RFWD3: variants seen among roughly 807,000 people sequenced by gnomAD.
The protein encoded by RFWD3 is ring finger and WD repeat domain 3.
Under a neutral mutation model 87.7 loss-of-function variants are expected in RFWD3, and 65 were observed. The observed-to-expected ratio is 0.74, with a 90% confidence interval of 0.61 to 0.91. RFWD3 has a LOEUF of 0.91. Ranked by LOEUF, RFWD3 falls within the 40% of genes least tolerant of loss-of-function variation. RFWD3 has a pLI of 0.00. For synonymous variants in RFWD3, 433 were observed against 352.8 expected (o/e 1.23, Z -2.55); for missense variants, 1,078 against 938.5 (o/e 1.15, Z -1.94).
chr16:74,636,523 AG>A lies in RFWD3; in HGVS notation c.1248del (p.Ser417ProfsTer6). ...GAGCAGCTCAGGACCCATGCTTGGG[AG>A]CCCCTGGGTTGCTGTAAATTCTGAC... ...HQSQNLQQPR[G>X]SQAWVLSCSP... On this transcript the variant is annotated frameshift_variant, in exon 8 of 13. Coordinates refer to ENST00000361070, the MANE Select transcript of RFWD3 (RefSeq NM_018124.4). LOFTEE classifies it high-confidence loss of function. 1.2e-6 allele frequency: 2 copies of A among 1,613,978 alleles called. No homozygotes were observed. The highest frequency in any genetic ancestry group is 1.7e-6 in the Non-Finnish European group (2 of 1,180,028).
chr16:74,655,806 G>A (rs190891314), intron 2 of RFWD3, among the ~76,000 whole-genome samples: 9 of 152,078 alleles, frequency 5.9e-5, no homozygotes, highest in Admixed American at 2.6e-4. Context: ...GATTACAGGC[G>A]TGAGCCACCA....
chr16:74,661,345 G>T lies in RFWD3; in HGVS notation c.105C>A (p.Leu35=). The T allele has an allele frequency of 6.2e-7, 1 of 1,613,988 alleles. No homozygotes were observed. The highest frequency in any genetic ancestry group is 8.5e-7 in the Non-Finnish European group (1 of 1,179,988). ...CCACATCAGCAGGAACAGGCTGGAG[G>T]AGGGCTGGTCCCCCTTGGCTGCTGG... ...GMASSQGGPA[L]LQPVPADVVS... is the part of the protein sequence containing the mutation. Residue 35 remains leucine, a synonymous_variant, in exon 2 of 13, where the codon CTC becomes CTA. Coordinates refer to ENST00000361070, the MANE Select transcript of RFWD3 (RefSeq NM_018124.4).
intron 6 of RFWD3, 56 bp downstream of exon 6, chr16:74,644,306 G>A (rs1273180598): frequency 6.5e-7 from 1 of 1,540,354 alleles, no homozygotes; most frequent in African/African-American, 1.4e-5. Flanking sequence ...TTTTTCAGAT[G>A]TGCCTACAAT....
At chr16:74,642,849 T>C (rs947615708) in intron 6 of RFWD3, among the ~76,000 whole-genome samples, 13 of 152,290 alleles carry the variant, frequency 8.5e-5, no homozygotes, top group East Asian at 3.9e-4. Context: ...TTTGATAAAA[T>C]TGGGTAAAAG....
intron 2 of RFWD3, among the ~76,000 whole-genome samples, chr16:74,653,245 G>A (rs771098978): frequency 6.6e-6 from 1 of 152,084 alleles, no homozygotes; most frequent in Non-Finnish European, 1.5e-5. Context: ...AGGCCAAGGT[G>A]GGAGGATGGC....
At chr16:74,659,026 C>T (rs371640440) in intron 2 of RFWD3, among the ~76,000 whole-genome samples, 7 of 152,320 alleles carry the variant, frequency 4.6e-5, no homozygotes, top group African/African-American at 1.7e-4. Context: ...GCTCAAAGTT[C>T]TGAGATTACA....
chr16:74,643,594 C>T (rs973465738), intron 6 of RFWD3, among the ~76,000 whole-genome samples: 1 of 151,198 alleles, frequency 6.6e-6, no homozygotes, highest in Non-Finnish European at 1.5e-5. Context: ...ACCCATGTCA[C>T]TGTACCTCTC....
intron 11 of RFWD3, 119 bp downstream of exon 11, chr16:74,628,333 A>T: frequency 1.1e-6 from 1 of 887,324 alleles, no homozygotes; most frequent in Non-Finnish European, 1.7e-6. Flanking sequence ...GAGCTACAAC[A>T]CACCTCGTTA....
At chr16:74,629,489 T>A (rs1959026495) in intron 10 of RFWD3, among the ~76,000 whole-genome samples, 2 of 152,088 alleles carry the variant, frequency 1.3e-5, no homozygotes, top group East Asian at 1.9e-4. Context: ...TGAAACCCCA[T>A]CTCTACTAAA....
At chr16:74,626,011 C>T (rs1480849970) in intron 12 of RFWD3, among the ~76,000 whole-genome samples, 2 of 152,188 alleles carry the variant, frequency 1.3e-5, no homozygotes, top group Non-Finnish European at 2.9e-5. Flanking sequence ...CACGGTGAAA[C>T]CCTGTCTCTA....
At chr16:74,646,848 G>A (rs954346729) in intron 4 of RFWD3, among the ~76,000 whole-genome samples, 5 of 152,138 alleles carry the variant, frequency 3.3e-5, no homozygotes, top group African/African-American at 4.8e-5. Flanking sequence ...CGAAGCGGGC[G>A]GATCACCAGG....
chr16:74,646,376 A>G (rs1214208650), intron 4 of RFWD3, among the ~76,000 whole-genome samples: 1 of 152,252 alleles, frequency 6.6e-6, no homozygotes, highest in Non-Finnish European at 1.5e-5. Flanking sequence ...ACCCTGTCTC[A>G]AAAAAGTTCA....
Position 74,621,502 on chromosome 16 carries a change from G to T in RFWD3, c.*2426C>A, listed in dbSNP as rs1407575176. ...CCATGGCCCTGTTTTCAAAGCAGGGGCAAGAATACATACAATGACAAGACA... is the reference window on the plus strand; with the variant it reads ...CCATGGCCCTGTTTTCAAAGCAGGGTCAAGAATACATACAATGACAAGACA... On this transcript the variant is annotated 3_prime_UTR_variant, in exon 13 of 13. Transcript: ENST00000361070. 5 of 152,072 alleles carry T rather than the reference G, an allele frequency of 3.3e-5. No homozygotes were observed. Among genetic ancestry groups the T allele is most frequent in the Admixed American group, 1.3e-4 (2 of 15,260 alleles). The allele number at this position is 152,072 out of a possible 1,614,324, so 9.4% of individuals were successfully genotyped here.
At chr16:74,641,928 C>CAAAAA (rs71158533) in intron 6 of RFWD3, among the ~76,000 whole-genome samples, 1 of 52,474 alleles carries the variant, frequency 1.9e-5, no homozygotes, top group Non-Finnish European at 3.2e-5. Context: ...ACTCCGTCTC[C>CAAAAA]AAAAAAAAAA....
intron 2 of RFWD3, among the ~76,000 whole-genome samples, chr16:74,653,933 A>G (rs1215446301): frequency 6.6e-6 from 1 of 152,248 alleles, no homozygotes; most frequent in Non-Finnish European, 1.5e-5. Flanking sequence ...CAGTAAACCA[A>G]AAGGAGAAAT....
intron 8 of RFWD3, 137 bp downstream of exon 8, chr16:74,636,209 G>A: frequency 2.8e-6 from 2 of 714,368 alleles, no homozygotes; most frequent in Non-Finnish European, 4.7e-6. Context: ...GCAGCACCCT[G>A]GGGTACTTGC....
chr16:74,621,921 T>G lies in RFWD3; in HGVS notation c.*2007A>C, dbSNP rs1307524035. On this transcript the variant is annotated 3_prime_UTR_variant, in exon 13 of 13. Coordinates refer to ENST00000361070, the MANE Select transcript of RFWD3 (RefSeq NM_018124.4). ...CATGTTGGTCAGGCTGGACAAGGCTTTTTTTCTTTGGAGAAATCACTCACG... is the reference window on the plus strand; with the variant it reads ...CATGTTGGTCAGGCTGGACAAGGCTGTTTTTCTTTGGAGAAATCACTCACG... 6.6e-6 allele frequency: 1 copy of G among 152,154 alleles called. No homozygotes were observed. The highest frequency in any genetic ancestry group is 1.5e-5 in the Non-Finnish European group (1 of 68,022). 9.4% of individuals were successfully genotyped at this position (152,154 alleles called of 1,614,324 possible).
chr16:74,645,935 A>C (rs1960102686), intron 4 of RFWD3, among the ~76,000 whole-genome samples: 1 of 149,832 alleles, frequency 6.7e-6, no homozygotes, highest in South Asian at 2.1e-4. Flanking sequence ...TTTTTAGTAG[A>C]GACGGGGTTT....
chr16:74,657,934 T>C (rs796224631), intron 2 of RFWD3, among the ~76,000 whole-genome samples: 2 of 152,262 alleles, frequency 1.3e-5, no homozygotes, highest in African/African-American at 4.8e-5. Flanking sequence ...TTGACACGTA[T>C]ATCAATAGAA....
Sources: gnomAD v4.1 joint callset for allele counts (sites outside exome capture counted in the v4.1 genomes callset) on GRCh38, gnomAD v4.1.1 for gene constraint, MANE v1.5 for transcripts, NCBI Gene and HGNC (gene_info 2026-07-23, HGNC 2026-07-21) for gene names.